GAPVD1: variants seen among roughly 807,000 people sequenced by gnomAD.
GAPVD1 encodes GTPase activating protein and VPS9 domains 1.
GAPVD1 carries 35 observed loss-of-function variants against 155.5 expected under a neutral mutation model. That is an observed-to-expected ratio of 0.23 (90% CI 0.17 to 0.30). The LOEUF (loss-of-function observed/expected upper bound fraction) is 0.30, where lower values mean the gene tolerates loss of function less well. GAPVD1 is among the 10% of genes least tolerant of loss of function. GAPVD1 has a pLI of 1.00. For missense variants in GAPVD1, 1,429 were observed against 1,775.7 expected (o/e 0.80, Z 3.51); for synonymous variants, 636 against 619.7 (o/e 1.03, Z -0.39).
chr9:125,264,493 C>T (rs925264538), intron 1 of GAPVD1, among the ~76,000 whole-genome samples: 9 of 152,010 alleles, frequency 5.9e-5, no homozygotes, highest in Admixed American at 3.9e-4. Context: ...CCGCGTCCTG[C>T]CCAGAGTAGT....
intron 25 of GAPVD1, 61 bp from the exon 26 acceptor site, chr9:125,359,359 C>G: frequency 1.1e-6 from 1 of 906,152 alleles, no homozygotes; most frequent in Non-Finnish European, 1.8e-6. Context: ...TCAATGATGA[C>G]TGTTTGTGTA....
chr9:125,281,889 A>T (rs2132167771), intron 2 of GAPVD1, among the ~76,000 whole-genome samples: 1 of 151,556 alleles, frequency 6.6e-6, no homozygotes, highest in Non-Finnish European at 1.5e-5. Context: ...ATCTGGGCTC[A>T]CTGCAATCTC....
At chr9:125,346,738 A>G in intron 19 of GAPVD1, 81 bp from the exon 20 acceptor site, 1 of 1,097,046 alleles carries the variant, frequency 9.1e-7, no homozygotes, top group South Asian at 1.2e-5. Context: ...TGCCTTTGGG[A>G]TTATGCTACT....
At chr9:125,357,233 GCA>G (rs1434769405) in intron 25 of GAPVD1, among the ~76,000 whole-genome samples, 5 of 152,130 alleles carry the variant, frequency 3.3e-5, no homozygotes, top group African/African-American at 7.2e-5. Context: ...CATTCTAACA[GCA>G]CCAGGCACAG....
intron 2 of GAPVD1, among the ~76,000 whole-genome samples, chr9:125,285,311 T>C (rs145222702): frequency 2.0e-5 from 3 of 152,312 alleles, no homozygotes; most frequent in Non-Finnish European, 2.9e-5. Flanking sequence ...TGGAAAGATA[T>C]AGAAATCCAG....
chr9:125,341,139 T>C (rs1199081076), intron 17 of GAPVD1, 38 bp from the exon 18 acceptor site: 7 of 956,458 alleles, frequency 7.3e-6, no homozygotes, highest in South Asian at 1.3e-5. Flanking sequence ...TTTATCCTGC[T>C]ATCCAACTCC....
chr9:125,326,969 A>G (rs1242262940), intron 12 of GAPVD1, among the ~76,000 whole-genome samples: 3 of 152,206 alleles, frequency 2.0e-5, no homozygotes, highest in African/African-American at 7.2e-5. Flanking sequence ...CCTTAAGATG[A>G]AAATTCTTAT....
At chr9:125,269,365 TTC>T (rs1354643031) in intron 2 of GAPVD1, among the ~76,000 whole-genome samples, 1 of 152,206 alleles carries the variant, frequency 6.6e-6, no homozygotes, top group African/African-American at 2.4e-5. Flanking sequence ...GGAGTTAATT[TTC>T]TGTTAAGCAA....
chr9:125,313,731 T>G (rs1842990892), intron 9 of GAPVD1, among the ~76,000 whole-genome samples: 1 of 152,164 alleles, frequency 6.6e-6, no homozygotes, highest in African/African-American at 2.4e-5. Context: ...CCTCCTGAGT[T>G]GCTGGTCTTA....
At chr9:125,299,210 T>C in intron 4 of GAPVD1, 104 bp downstream of exon 4, 1 of 593,058 alleles carries the variant, frequency 1.7e-6, no homozygotes, top group East Asian at 2.9e-5. Context: ...AAGTGCATTA[T>C]TTAAGATAAT....
chr9:125,344,005 G>A (rs1451067050), intron 19 of GAPVD1, among the ~76,000 whole-genome samples: 1 of 152,112 alleles, frequency 6.6e-6, no homozygotes, highest in African/African-American at 2.4e-5. Flanking sequence ...CTTGGTTCTT[G>A]ATACTGGAAC....
intron 2 of GAPVD1, among the ~76,000 whole-genome samples, chr9:125,291,132 A>G (rs1298171245): frequency 6.6e-6 from 1 of 152,104 alleles, no homozygotes; most frequent in African/African-American, 2.4e-5. Context: ...CAAGAAAAAT[A>G]GAAGAAGATA....
chr9:125,266,821 C>T (rs1488739127), intron 1 of GAPVD1, among the ~76,000 whole-genome samples: 6 of 151,998 alleles, frequency 3.9e-5, no homozygotes, highest in Non-Finnish European at 8.8e-5. Context: ...AGTGCAGTGG[C>T]GCCATCTCAA....
chr9:125,330,091 G>A lies in GAPVD1; in HGVS notation c.2046G>A (p.Glu682=). The change falls in exon 13 of 28, where the codon GAG becomes GAA. Residue 682 remains glutamate, a synonymous_variant. Coordinates refer to ENST00000297933, the MANE Select transcript of GAPVD1 (RefSeq NM_001282680.3). ...CTGGTTATACAGGTGCTGCAGCAGA[G>A]AACATGTTAGGCAGTTTGCTGTGCC... ...RLQEIAGAAA[E]NMLGSLLCLP... is the part of the protein sequence containing the mutation. 6.2e-7 allele frequency: 1 copy of A among 1,610,918 alleles called. No homozygotes were observed. The highest frequency in any genetic ancestry group is 8.5e-7 in the Non-Finnish European group (1 of 1,178,650).
intron 17 of GAPVD1, among the ~76,000 whole-genome samples, chr9:125,339,127 A>G (rs948284303): frequency 6.6e-6 from 1 of 152,070 alleles, no homozygotes; most frequent in African/African-American, 2.4e-5. Context: ...GAGTATAGGC[A>G]TGCACCACAT....
chr9:125,316,040 C>A (rs1038161146), intron 9 of GAPVD1, among the ~76,000 whole-genome samples: 10 of 152,088 alleles, frequency 6.6e-5, no homozygotes, highest in Non-Finnish European at 1.0e-4. Context: ...ACGTGCTCAC[C>A]ACTAAGCTAA....
At chr9:125,270,907 C>T (rs984394530) in intron 2 of GAPVD1, among the ~76,000 whole-genome samples, 9 of 152,140 alleles carry the variant, frequency 5.9e-5, no homozygotes, top group African/African-American at 2.2e-4. Context: ...CGAGATCGTG[C>T]CATTGCACTC....
chr9:125,357,437 GGTGTGGTGGCATGCGT>G (rs1291912138), intron 25 of GAPVD1, among the ~76,000 whole-genome samples: 2 of 151,740 alleles, frequency 1.3e-5, no homozygotes, highest in East Asian at 3.9e-4. Flanking sequence ...AAATTAGCTG[GGTGTGGTGGCATGCGT>G]GTATAGTCCC....
rs539969578 is a variant in GAPVD1 at position 125,334,827 on chromosome 9, GTTTC to G, written c.2429-2188_2429-2185del. 2.8e-4 allele frequency among the ~76,000 whole-genome samples: 43 copies of G among 152,080 alleles called. No homozygotes were observed. In the East Asian group the frequency reaches 7.7e-3, roughly 27 times the overall value. On this transcript the variant is annotated intron_variant, in intron 15 of 27. Coordinates refer to ENST00000297933, the MANE Select transcript of GAPVD1 (RefSeq NM_001282680.3). ...AAAAAAAAATTAACAAAATGATCCT[GTTTC>G]TTAGAGAAGCAACTAATAGAGTGGA...
Sources: gnomAD v4.1 joint callset for allele counts (sites outside exome capture counted in the v4.1 genomes callset) on GRCh38, gnomAD v4.1.1 for gene constraint, MANE v1.5 for transcripts, NCBI Gene and HGNC (gene_info 2026-07-23, HGNC 2026-07-21) for gene names.